KLF17: variants seen among roughly 807,000 people sequenced by gnomAD.
The protein encoded by KLF17 is Krueppel-like factor 17.
Under a neutral mutation model 34.2 loss-of-function variants are expected in KLF17, and 31 were observed. The observed-to-expected ratio is 0.91, with a 90% CI of 0.68 to 1.22. The LOEUF (loss-of-function observed/expected upper bound fraction) is 1.22, where lower values mean the gene tolerates loss of function less well. KLF17 is among the 50% of genes most tolerant of loss of function. The probability of loss-of-function intolerance (pLI) is 0.00; values close to 1 mark genes in which losing one functional copy is unlikely to be tolerated. For synonymous variants in KLF17, 179 were observed against 186.7 expected, an observed-to-expected ratio of 0.96 and a Z score of 0.34; for missense variants, 478 against 505.2, an observed-to-expected ratio of 0.95 and a Z score of 0.52.
At chr1:44,109,781 T>C in the KLF17 span, among the ~76,000 whole-genome samples, 1 of 152,114 alleles carries the variant, frequency 6.6e-6, no homozygotes, top group South Asian at 2.1e-4. Flanking sequence ...GGGAGAGAAC[T>C]GGGAGGTAGG....
rs765525244 is a variant in KLF17, at chr1:44,130,792, C to T, written c.*36C>T. ...TCTCCTCATTCTGGGTTTTCTTTTT[C>T]CTTTTTTCCTTTTTATTTTTTTGAG... On this transcript the variant is annotated intron_variant, in intron 3 of 3. Transcript: ENST00000372299. 3.1e-6 allele frequency: 5 copies of T among 1,601,656 alleles called. No homozygotes were observed. The East Asian group carries it at 6.7e-5, about 22-fold the overall frequency.
chr1:44,104,586 C>A, the KLF17 span: 1 of 613,966 alleles, frequency 1.6e-6, no homozygotes, highest in Non-Finnish European at 3.0e-6. Context: ...GCAGTGATGC[C>A]TCCCATGCCG....
At chr1:44,122,375 G>C (rs2087958010) in intron 1 of KLF17, 1 of 1,605,618 alleles carries the variant, frequency 6.2e-7, no homozygotes. Flanking sequence ...TGTTCTTCGG[G>C]GTCATTTTCA....
intron 1 of KLF17, among the ~76,000 whole-genome samples, chr1:44,125,019 C>A (rs977858520): frequency 6.6e-6 from 1 of 152,104 alleles, no homozygotes; most frequent in African/African-American, 2.4e-5. Flanking sequence ...AAATTTTATG[C>A]ATTCTTTTAA....
the KLF17 span, chr1:44,074,708 T>C: frequency 3.9e-5 from 6 of 152,256 alleles, no homozygotes; most frequent in African/African-American, 1.4e-4. Context: ...TAAAGTATGC[T>C]TTTACAAATA....
the KLF17 span, chr1:44,101,453 C>T: frequency 2.0e-5 from 3 of 152,128 alleles, no homozygotes; most frequent in Non-Finnish European, 4.4e-5. Flanking sequence ...TCTTTTATGA[C>T]CTCGACATTT....
chr1:44,073,098 G>A, the KLF17 span, among the ~76,000 whole-genome samples: 1 of 152,182 alleles, frequency 6.6e-6, no homozygotes, highest in Non-Finnish European at 1.5e-5. Context: ...AGGAATTGGA[G>A]TAGTTGGGTA....
intron 1 of KLF17, among the ~76,000 whole-genome samples, chr1:44,128,071 T>TA (rs1189339683): frequency 6.6e-6 from 1 of 152,124 alleles, no homozygotes; most frequent in East Asian, 1.9e-4. Context: ...ATTGCTACAG[T>TA]AATGGACTTT....
At chr1:44,104,828 A>G in the KLF17 span, 3 of 128,070 alleles carry the variant, frequency 2.3e-5, no homozygotes, top group African/African-American at 7.8e-5. Context: ...GAACTACAGC[A>G]CTATGAATCT....
the KLF17 span, among the ~76,000 whole-genome samples, chr1:44,069,471 AGAGAGAGAG>A: frequency 6.0e-4 from 2 of 3,340 alleles, no homozygotes; most frequent in African/African-American, 1.2e-3. The surrounding 1 kb of genome is among the most constrained non-coding windows in gnomAD (Gnocchi z 4.7). Flanking sequence ...TTACATGGCG[AGAGAGAGAG>A]AGAGAGAGAG....
chr1:44,112,730 A>G, the KLF17 span, among the ~76,000 whole-genome samples: 2,031 of 152,296 alleles, frequency 0.013, 25 homozygotes, highest in Non-Finnish European at 0.023. Flanking sequence ...TTTTCTGGTC[A>G]TCTTTCTTAC....
chr1:44,066,372 G>A, the KLF17 span, among the ~76,000 whole-genome samples: 1 of 150,598 alleles, frequency 6.6e-6, no homozygotes, highest in Non-Finnish European at 1.5e-5. Context: ...AAAATTAAGG[G>A]GTATGATAAT....
At chr1:44,117,105 G>T (rs1385017631), upstream of KLF17, 1 of 151,886 alleles carries the variant, frequency 6.6e-6, no homozygotes, top group Admixed American at 6.6e-5. Flanking sequence ...TTTAGAGATG[G>T]GATCTCACTA....
chr1:44,084,233 C>T, the KLF17 span, among the ~76,000 whole-genome samples: 3 of 152,178 alleles, frequency 2.0e-5, no homozygotes, highest in Admixed American at 2.0e-4. Context: ...TTTTGGCTTT[C>T]TACTATCCTC....
chr1:44,090,555 G>A, the KLF17 span, among the ~76,000 whole-genome samples: 1 of 151,950 alleles, frequency 6.6e-6, no homozygotes, highest in Non-Finnish European at 1.5e-5. Context: ...GAGAAGAGGG[G>A]GCAGGTAACA....
At chr1:44,099,909 GA>G in the KLF17 span, among the ~76,000 whole-genome samples, 18 of 54,150 alleles carry the variant, frequency 3.3e-4, 1 homozygote, top group Non-Finnish European at 6.0e-4. Context: ...AAGAAAGAAA[GA>G]AAGAAAGAAA....
chr1:44,111,848 G>A, the KLF17 span, among the ~76,000 whole-genome samples: 11 of 152,212 alleles, frequency 7.2e-5, no homozygotes, highest in South Asian at 8.3e-4. Context: ...AGCTGAGATC[G>A]CGCCATTGCA....
At chr1:44,062,099 G>A in the KLF17 span, among the ~76,000 whole-genome samples, 1 of 152,156 alleles carries the variant, frequency 6.6e-6, no homozygotes, top group Non-Finnish European at 1.5e-5. Flanking sequence ...GTGAAGCCAA[G>A]AATCTTCCTG....
intron 1 of KLF17, among the ~76,000 whole-genome samples, chr1:44,127,542 C>T (rs1015186636): frequency 6.6e-6 from 1 of 151,166 alleles, no homozygotes; most frequent in Non-Finnish European, 1.5e-5. Context: ...TCCCTCCTTC[C>T]TTCCTTCCTT....
Sources: gnomAD v4.1 joint callset for allele counts (sites outside exome capture counted in the v4.1 genomes callset) on GRCh38, gnomAD v4.1.1 for gene constraint, Gnocchi (gnomAD v3.1) non-coding constraint, MANE v1.5 for transcripts, NCBI Gene and HGNC (gene_info 2026-07-23, HGNC 2026-07-21) for gene names.